PROK2: variants seen among roughly 807,000 people sequenced by gnomAD.
The protein encoded by PROK2 is prokineticin-2.
In PROK2, 8 loss-of-function variants were observed where a neutral mutation model predicts 14.2. That is an observed-to-expected ratio of 0.56 (90% CI 0.33 to 1.02). The LOEUF (loss-of-function observed/expected upper bound fraction) is 1.02, where lower values mean the gene tolerates loss of function less well. PROK2 is among the 50% of genes least tolerant of loss of function. The pLI, the probability that PROK2 is intolerant of heterozygous loss-of-function variation, is 0.03. For missense variants in PROK2, 154 were observed against 160.4 expected, an observed-to-expected ratio of 0.96 and a Z score of 0.22; for synonymous variants, 59 against 60.7, an observed-to-expected ratio of 0.97 and a Z score of 0.13.
At chr3:71,774,602 A>T in intron 2 of PROK2, 95 bp from the exon 3 acceptor site, 1 of 1,435,670 alleles carries the variant, frequency 7.0e-7, no homozygotes, top group South Asian at 1.4e-5. Context: ...GAACTGGCGG[A>T]GCAAGATACA....
At chr3:71,778,877 G>A (rs1578411198) in intron 2 of PROK2, among the ~76,000 whole-genome samples, 1 of 152,268 alleles carries the variant, frequency 6.6e-6, no homozygotes, top group East Asian at 1.9e-4. Context: ...AATATGAAAA[G>A]TTAGAAAATA....
intron 2 of PROK2, 68 bp downstream of exon 2, chr3:71,781,399 T>C (rs1171885686): frequency 1.3e-6 from 2 of 1,570,520 alleles, no homozygotes; most frequent in African/African-American, 1.4e-5. Context: ...CAGTCCTTCA[T>C]GTCATACAGA....
At chr3:71,779,426 T>C (rs2050144868) in intron 2 of PROK2, among the ~76,000 whole-genome samples, 1 of 152,210 alleles carries the variant, frequency 6.6e-6, no homozygotes, top group Non-Finnish European at 1.5e-5. Context: ...GAAGTACATA[T>C]ACAACATTTA....
At position 71,772,587 on chromosome 3, in the gene PROK2, C is replaced by A. The variant is rs2050088172; in HGVS notation, c.*137G>T. On this transcript the variant is annotated 3_prime_UTR_variant, in exon 4 of 4. Coordinates refer to ENST00000295619, the MANE Select transcript of PROK2 (RefSeq NM_001126128.2). ...AAAAAAAAAAAAATCATTTACAAAT[C>A]AAAGATAAAAATGTTACTTGGAAAG... The A allele has an allele frequency of 9.5e-6, 7 of 734,298 alleles. No homozygotes were observed. The highest frequency in any genetic ancestry group is 2.7e-5 in the Admixed American group (1 of 36,798). 45.5% of individuals were successfully genotyped at this position (734,298 alleles called of 1,614,324 possible).
intron 1 of PROK2, among the ~76,000 whole-genome samples, chr3:71,784,145 A>G (rs565251444): frequency 1.3e-5 from 2 of 152,380 alleles, no homozygotes; most frequent in Admixed American, 1.3e-4. Flanking sequence ...TTGTTAATGT[A>G]AACTAGACTA....
At chr3:71,781,442 T>C (rs1269489781) in intron 2 of PROK2, 25 bp downstream of exon 2, 1 of 1,613,016 alleles carries the variant, frequency 6.2e-7, no homozygotes, top group African/African-American at 1.3e-5. Flanking sequence ...AGAACCACCA[T>C]GAATACAAAT....
At chr3:71,776,083 G>A (rs2050115294) in intron 2 of PROK2, among the ~76,000 whole-genome samples, 1 of 152,064 alleles carries the variant, frequency 6.6e-6, no homozygotes, top group African/African-American at 2.4e-5. Context: ...GAGGGACCCT[G>A]GTAGTGTGTT....
intron 1 of PROK2, among the ~76,000 whole-genome samples, chr3:71,783,523 A>C (rs1004084916): frequency 6.6e-6 from 1 of 152,206 alleles, no homozygotes; most frequent in Non-Finnish European, 1.5e-5. Context: ...AAAGAGTTGC[A>C]TAGGTTTATA....
intron 2 of PROK2, among the ~76,000 whole-genome samples, chr3:71,776,364 A>ATTTTT (rs58407323): frequency 1.3e-5 from 1 of 75,436 alleles, no homozygotes; most frequent in Admixed American, 1.7e-4. Context: ...TTCGCTTTTC[A>ATTTTT]TTTTTTTTTT....
At chr3:71,780,944 A>G (rs762301841) in intron 2 of PROK2, among the ~76,000 whole-genome samples, 44 of 152,380 alleles carry the variant, frequency 2.9e-4, no homozygotes, top group South Asian at 8.3e-4. Flanking sequence ...AAAATTAAAT[A>G]TCATCGATCT....
At chr3:71,778,910 G>T (rs1392085266) in intron 2 of PROK2, among the ~76,000 whole-genome samples, 1 of 152,226 alleles carries the variant, frequency 6.6e-6, no homozygotes, top group East Asian at 1.9e-4. Flanking sequence ...TACATTTCAA[G>T]TGAACATCTG....
Position 71,784,971 on chromosome 3 carries a change from C to T in PROK2, c.82G>A (p.Ala28Thr). 1.4e-5 allele frequency: 18 copies of T among 1,249,012 alleles called. No individual in the cohort carries two copies. Among genetic ancestry groups the T allele is most frequent in the Non-Finnish European group, 1.8e-5 (18 of 994,666 alleles). 77.4% of individuals were successfully genotyped at this position (1,249,012 alleles called of 1,614,324 possible). Reference protein sequence around the residue: ...LLLTPRAGDAAVITGACDKDS... With the variant: ...LLLTPRAGDATVITGACDKDS... The stretch of plus-strand genomic sequence containing the variant: ...GGGCCGCTTACCCCGGTGATCACGG[C>T]GGCGTCCCCAGCGCGGGGCGTGAGC... The change falls in exon 1 of 4, where the codon GCC becomes ACC. Residue 28 changes from alanine (A) to threonine (T), a missense_variant. By Grantham distance (58) the Ala-to-Thr change is moderately conservative (BLOSUM62 0). Transcript: ENST00000295619.
At chr3:71,784,239 A>T (rs1420576351) in intron 1 of PROK2, among the ~76,000 whole-genome samples, 1 of 152,232 alleles carries the variant, frequency 6.6e-6, no homozygotes, top group Admixed American at 6.5e-5. Context: ...GTTCCTACTT[A>T]CAGAAAAGAT....
At chr3:71,775,709 G>A (rs1482756030) in intron 2 of PROK2, among the ~76,000 whole-genome samples, 1 of 152,138 alleles carries the variant, frequency 6.6e-6, no homozygotes, top group Non-Finnish European at 1.5e-5. Flanking sequence ...TAGTCAAACA[G>A]GGTCCTGCTT....
intron 1 of PROK2, among the ~76,000 whole-genome samples, chr3:71,781,903 C>A (rs1578412988): frequency 6.6e-6 from 1 of 151,834 alleles, no homozygotes; most frequent in East Asian, 1.9e-4. Context: ...GCTGAATTGG[C>A]TTTGAACTTG....
At chr3:71,781,417 C>A in intron 2 of PROK2, 50 bp downstream of exon 2, 2 of 1,601,656 alleles carry the variant, frequency 1.2e-6, no homozygotes, top group South Asian at 2.2e-5. Context: ...AGACCCTGCT[C>A]AGAGTTACCA....
chr3:71,785,036 C>T lies in PROK2; in HGVS notation c.17G>A (p.Cys6Tyr). 1 of 1,242,404 alleles carries T rather than the reference C, an allele frequency of 8.0e-7. No homozygotes were observed. The highest frequency in any genetic ancestry group is 1.0e-6 in the Non-Finnish European group (1 of 989,476). The allele number at this position is 1,242,404 out of a possible 1,614,324, so 77.0% of individuals were successfully genotyped here. A position where few individuals can be genotyped will look rare whatever the true frequency, so the allele number is the denominator to read the frequency against. Residue 6 changes from cysteine (C) to tyrosine (Y), a missense_variant, in exon 1 of 4, where the codon TGC (cysteine) becomes TAC (tyrosine). Transcript: ENST00000295619. ...CAGCAAGAGGAGCAGGAGTGGGGCG[C>T]AGCACAGGCTCCTCATGGCGCCCTC... MRSLC[C>Y]APLLLLLLLP...
chr3:71,780,123 T>C (rs896031957), intron 2 of PROK2, among the ~76,000 whole-genome samples: 5 of 152,196 alleles, frequency 3.3e-5, no homozygotes, highest in African/African-American at 9.7e-5. Context: ...GAAAAAACAA[T>C]GCATGTCATG....
At chr3:71,780,379 T>C (rs2108196008) in intron 2 of PROK2, among the ~76,000 whole-genome samples, 1 of 152,246 alleles carries the variant, frequency 6.6e-6, no homozygotes, top group Non-Finnish European at 1.5e-5. Context: ...GACTGTGGAG[T>C]ATGGGAATGA....
Sources: allele counts gnomAD v4.1 joint callset (sites outside exome capture counted in the v4.1 genomes callset), GRCh38; gene constraint gnomAD v4.1.1; transcripts MANE v1.5; gene names NCBI Gene and HGNC (gene_info 2026-07-23, HGNC 2026-07-21).